MAML2: variants seen among roughly 807,000 people sequenced by gnomAD.
MAML2 encodes the protein mastermind-like protein 2.
Under a neutral mutation model 96.1 loss-of-function variants are expected in MAML2, and 22 were observed. The observed-to-expected ratio is 0.23, with a 90% CI of 0.16 to 0.33. The LOEUF is 0.33. MAML2 is among the 10% of genes least tolerant of loss of function. The pLI, the probability that MAML2 is intolerant of heterozygous loss-of-function variation, is 1.00. For missense variants in MAML2, 1,367 were observed against 1,392.4 expected (o/e 0.98, Z 0.29); for synonymous variants, 561 against 521.3 (o/e 1.08, Z -1.04).
intron 1 of MAML2, among the ~76,000 whole-genome samples, chr11:96,287,142 T>G (rs760464627): frequency 1.3e-5 from 2 of 152,246 alleles, no homozygotes; most frequent in Non-Finnish European, 2.9e-5. Context: ...TGTCATCAGA[T>G]AGTTGTATAA....
intron 2 of MAML2, among the ~76,000 whole-genome samples, chr11:96,031,091 T>C (rs1590970920): frequency 6.6e-6 from 1 of 152,304 alleles, no homozygotes; most frequent in South Asian, 2.1e-4. Context: ...GGAACAATAG[T>C]AGCACGTACG....
chr11:96,192,840 G>A (rs184494486), intron 1 of MAML2, among the ~76,000 whole-genome samples: 2 of 152,324 alleles, frequency 1.3e-5, no homozygotes, highest in Admixed American at 6.5e-5. Flanking sequence ...CCTAGTGACC[G>A]TGAATCATGG....
intron 2 of MAML2, among the ~76,000 whole-genome samples, chr11:96,016,815 G>A (rs1024538071): frequency 6.6e-6 from 1 of 152,150 alleles, no homozygotes; most frequent in Non-Finnish European, 1.5e-5. Flanking sequence ...CTTTCGGATT[G>A]TGTTCTAATC....
intron 1 of MAML2, among the ~76,000 whole-genome samples, chr11:96,136,259 A>G (rs1360973169): frequency 6.6e-6 from 1 of 152,160 alleles, no homozygotes; most frequent in Non-Finnish European, 1.5e-5. Flanking sequence ...TTGCAGAATG[A>G]GCCGCATAAT....
intron 1 of MAML2, among the ~76,000 whole-genome samples, chr11:96,159,404 A>ATTTTTTTTTTTTTGTTTTTTTTTTTTT: frequency 1.6e-5 from 1 of 62,014 alleles, no homozygotes; most frequent in Admixed American, 2.2e-4. Flanking sequence ...TAAACCACTG[A>ATTTTTTTTTTTTTGTTTTTTTTTTTTT]TTCTTTTTTT....
intron 1 of MAML2, among the ~76,000 whole-genome samples, chr11:96,224,638 T>C (rs1258748709): frequency 6.6e-6 from 1 of 152,222 alleles, no homozygotes; most frequent in African/African-American, 2.4e-5. Flanking sequence ...GTTTTGTGTA[T>C]GTGTCCATCA....
chr11:96,026,389 A>C (rs1474077860), intron 2 of MAML2, among the ~76,000 whole-genome samples: 1 of 152,170 alleles, frequency 6.6e-6, no homozygotes, highest in East Asian at 1.9e-4. Flanking sequence ...CCCAAGAGAG[A>C]TAATAGTTGG....
chr11:96,052,933 G>A (rs557100199), intron 2 of MAML2, among the ~76,000 whole-genome samples: 2 of 152,240 alleles, frequency 1.3e-5, no homozygotes, highest in South Asian at 2.1e-4. Flanking sequence ...CTCAGGTGAT[G>A]AGCCTTGCCT....
chr11:96,294,730 G>A (rs1186716030), intron 1 of MAML2, among the ~76,000 whole-genome samples: 1 of 152,176 alleles, frequency 6.6e-6, no homozygotes, highest in East Asian at 1.9e-4. Flanking sequence ...TAGGGACCAT[G>A]CTTAATCCTC....
chr11:96,119,306 GT>G, intron 1 of MAML2, among the ~76,000 whole-genome samples: 1 of 152,284 alleles, frequency 6.6e-6, no homozygotes, highest in South Asian at 2.1e-4. Context: ...AATCACAAGG[GT>G]CCTTACAAGG....
intron 1 of MAML2, among the ~76,000 whole-genome samples, chr11:96,214,998 G>C (rs1862027578): frequency 2.0e-5 from 3 of 152,244 alleles, no homozygotes; most frequent in Admixed American, 2.0e-4. Context: ...ATTGGGTCCA[G>C]TGGTTCCCTC....
At chr11:96,248,370 C>A (rs1017691875) in intron 1 of MAML2, among the ~76,000 whole-genome samples, 6 of 152,066 alleles carry the variant, frequency 3.9e-5, no homozygotes, top group African/African-American at 1.4e-4. Context: ...CCTTGGCCTC[C>A]CAAAGTGCTG....
At chr11:96,148,527 A>G (rs973670979) in intron 1 of MAML2, among the ~76,000 whole-genome samples, 12 of 151,644 alleles carry the variant, frequency 7.9e-5, no homozygotes, top group Admixed American at 6.6e-4. Flanking sequence ...CTACACTATG[A>G]TTTGCAGGGT....
intron 1 of MAML2, among the ~76,000 whole-genome samples, chr11:96,218,640 T>C (rs1862085294): frequency 6.6e-6 from 1 of 152,210 alleles, no homozygotes; most frequent in Admixed American, 6.5e-5. Context: ...ACTTTTTCTT[T>C]TTGTTTTTTA....
intron 2 of MAML2, among the ~76,000 whole-genome samples, chr11:96,063,062 A>T (rs1859191985): frequency 6.7e-6 from 1 of 149,368 alleles, no homozygotes. Context: ...TGCCCGTCTC[A>T]GTCCACCCCT....
chr11:96,019,356 A>G (rs982212228), intron 2 of MAML2, among the ~76,000 whole-genome samples: 9 of 152,168 alleles, frequency 5.9e-5, no homozygotes, highest in African/African-American at 2.2e-4. Context: ...CATCCTGATC[A>G]TAACAATCAT....
chr11:96,282,660 G>A (rs1265790906), intron 1 of MAML2, among the ~76,000 whole-genome samples: 1 of 152,200 alleles, frequency 6.6e-6, no homozygotes, highest in Non-Finnish European at 1.5e-5. Flanking sequence ...AAATTAGATA[G>A]AAAATTCTGT....
Position 96,240,565 on chromosome 11 carries a change from A to C in MAML2, c.513+100818T>G, listed in dbSNP as rs1235925262. 1.2e-3 allele frequency among the ~76,000 whole-genome samples: 169 copies of C among 145,002 alleles called. 7 individuals carry two copies. The East Asian group carries it at 0.024, about 21-fold the overall frequency. On this transcript the variant is annotated intron_variant, in intron 1 of 4. Coordinates refer to ENST00000524717, the MANE Select transcript of MAML2 (RefSeq NM_032427.4). ...AGAGCGAGACTCCGTCTCAAAAAAA[A>C]AAAAAAAAAAAAAAAAAAGAAAGCT...
intron 1 of MAML2, among the ~76,000 whole-genome samples, chr11:96,225,091 C>A (rs1003239354): frequency 6.6e-6 from 1 of 152,098 alleles, no homozygotes; most frequent in African/African-American, 2.4e-5. Context: ...TCTACAAATT[C>A]TTTGCTATTC....
Sources: gnomAD v4.1 joint callset for allele counts (sites outside exome capture counted in the v4.1 genomes callset) on GRCh38, gnomAD v4.1.1 for gene constraint, MANE v1.5 for transcripts, NCBI Gene and HGNC (gene_info 2026-07-23, HGNC 2026-07-21) for gene names.